The following ROBO2 variants were observed in gnomAD, a reference collection of about 807,000 sequenced individuals.
ROBO2 encodes the protein roundabout guidance receptor 2, also known as roundabout homolog 2.
Under a neutral mutation model 160.8 loss-of-function variants are expected in ROBO2, and 53 were observed. The observed-to-expected ratio is 0.33, with a 90% CI of 0.26 to 0.41. ROBO2 has a LOEUF of 0.41. Ranked by LOEUF, ROBO2 falls within the 10% of genes least tolerant of loss-of-function variation. ROBO2 has a pLI of 1.00. For missense variants in ROBO2, 1,577 were observed against 1,722.4 expected (o/e 0.92, Z 1.49); for synonymous variants, 664 against 611.7 (o/e 1.09, Z -1.26).
chr3:77,044,584 AAC>A (rs1395071018), intron 1 of ROBO2, among the ~76,000 whole-genome samples: 1 of 152,070 alleles, frequency 6.6e-6, no homozygotes, highest in Admixed American at 6.6e-5. Context: ...GAATTAGAGA[AAC>A]ACTTGAAGAG....
intron 1 of ROBO2, among the ~76,000 whole-genome samples, chr3:77,041,791 G>C (rs898850605): frequency 2.0e-5 from 3 of 152,266 alleles, no homozygotes; most frequent in East Asian, 3.9e-4. Flanking sequence ...TGGTATAAGG[G>C]AGTACTAGAT....
At chr3:77,074,269 C>T (rs10865558) in intron 1 of ROBO2, among the ~76,000 whole-genome samples, 46,575 of 152,044 alleles carry the variant, frequency 0.31, 7,750 homozygotes, top group East Asian at 0.66. Flanking sequence ...AAACTGTCTC[C>T]AGAAGTGTTA....
chr3:77,053,857 TG>T (rs905174201), intron 1 of ROBO2, among the ~76,000 whole-genome samples: 8 of 152,068 alleles, frequency 5.3e-5, no homozygotes, highest in Non-Finnish European at 1.0e-4. Context: ...GAAAGGGCCC[TG>T]GGGATAAGTA....
At chr3:76,567,643 A>ACG (rs1560162753) in intron 2 of ROBO2, among the ~76,000 whole-genome samples, 3 of 95,344 alleles carry the variant, frequency 3.1e-5, no homozygotes, top group African/African-American at 1.2e-4. Flanking sequence ...ATATATATAT[A>ACG]TATATATATA....
At chr3:77,173,381 A>G (rs2079823284) in intron 2 of ROBO2, among the ~76,000 whole-genome samples, 1 of 152,076 alleles carries the variant, frequency 6.6e-6, no homozygotes, top group Non-Finnish European at 1.5e-5. Context: ...TTTTTTTTCA[A>G]AAAAACAATT....
intron 2 of ROBO2, among the ~76,000 whole-genome samples, chr3:76,599,215 TC>T (rs1485632798): frequency 6.6e-6 from 1 of 152,166 alleles, no homozygotes; most frequent in African/African-American, 2.4e-5. Context: ...TCTGATTCTC[TC>T]CCTCTTCCTA....
intron 2 of ROBO2, among the ~76,000 whole-genome samples, chr3:76,294,486 A>G (rs1338711514): frequency 1.3e-5 from 2 of 151,914 alleles, no homozygotes; most frequent in African/African-American, 4.8e-5. Context: ...CCAAATATCC[A>G]TTGTCCACTT....
intron 24 of ROBO2, among the ~76,000 whole-genome samples, chr3:77,636,463 G>T (rs966575999): frequency 6.6e-6 from 1 of 151,896 alleles, no homozygotes; most frequent in African/African-American, 2.4e-5. Context: ...GTGGTTGCAC[G>T]TGCCTGTAAT....
intron 2 of ROBO2, among the ~76,000 whole-genome samples, chr3:76,551,530 C>G (rs2083422186): frequency 6.6e-6 from 1 of 152,094 alleles, no homozygotes; most frequent in Admixed American, 6.5e-5. Flanking sequence ...CTGAAACACG[C>G]CCCCCACCCT....
chr3:76,869,206 C>A (rs1434725116), intron 2 of ROBO2, among the ~76,000 whole-genome samples: 3 of 152,078 alleles, frequency 2.0e-5, no homozygotes, highest in Non-Finnish European at 4.4e-5. Context: ...GTCGTCCTAA[C>A]CATTGGGTAA....
At chr3:76,363,870 T>G (rs2075664653) in intron 2 of ROBO2, among the ~76,000 whole-genome samples, 1 of 152,064 alleles carries the variant, frequency 6.6e-6, no homozygotes, top group South Asian at 2.1e-4. Flanking sequence ...AATTTCTTAA[T>G]CTGGGACATC....
chr3:76,700,610 CATCTT>C (rs1041779233), intron 2 of ROBO2, among the ~76,000 whole-genome samples: 1 of 152,088 alleles, frequency 6.6e-6, no homozygotes, highest in Non-Finnish European at 1.5e-5. Context: ...TTTAGTCTCT[CATCTT>C]AGCCTAATAT....
chr3:76,079,325 A>G (rs535657349), intron 2 of ROBO2, among the ~76,000 whole-genome samples: 7 of 152,278 alleles, frequency 4.6e-5, no homozygotes, highest in South Asian at 2.1e-4. Context: ...CAATGAAATA[A>G]TAAGTGCTTG....
chr3:77,480,806 G>A (rs769534669), intron 3 of ROBO2, among the ~76,000 whole-genome samples: 4 of 152,072 alleles, frequency 2.6e-5, no homozygotes, highest in Non-Finnish European at 5.9e-5. Flanking sequence ...ATGAATTTCA[G>A]TGTGAAGACT....
chr3:77,604,023 A>C (rs2094479564), intron 20 of ROBO2: 1 of 152,210 alleles, frequency 6.6e-6, no homozygotes, highest in African/African-American at 2.4e-5. Context: ...TAAAGAGTTA[A>C]ACTTTTTACA....
intron 2 of ROBO2, among the ~76,000 whole-genome samples, chr3:77,358,943 G>A (rs2069527081): frequency 6.6e-6 from 1 of 152,180 alleles, no homozygotes. Context: ...CTGTTGCTGA[G>A]TATGCTTTGT....
intron 2 of ROBO2, among the ~76,000 whole-genome samples, chr3:76,759,797 G>T (rs572978966): frequency 1.3e-5 from 2 of 151,836 alleles, no homozygotes; most frequent in African/African-American, 4.8e-5. Context: ...TCTCTTCATT[G>T]CTGTAACTTC....
chr3:76,506,476 T>C (rs2080804442), intron 2 of ROBO2, among the ~76,000 whole-genome samples: 1 of 152,188 alleles, frequency 6.6e-6, no homozygotes, highest in African/African-American at 2.4e-5. Context: ...TTTATTTTGT[T>C]CTCAAGTAAC....
intron 1 of ROBO2, among the ~76,000 whole-genome samples, chr3:75,912,002 T>C (rs1033095315): frequency 6.6e-6 from 1 of 152,234 alleles, no homozygotes; most frequent in African/African-American, 2.4e-5. Flanking sequence ...TCCTCCCATA[T>C]ATTACTATGG....
Sources: gnomAD v4.1 joint callset for allele counts (sites outside exome capture counted in the v4.1 genomes callset) on GRCh38, gnomAD v4.1.1 for gene constraint, MANE v1.5 for transcripts, NCBI Gene and HGNC (gene_info 2026-07-23, HGNC 2026-07-21) for gene names.